NCKAP5: variants seen among roughly 807,000 people sequenced by gnomAD.
The protein encoded by NCKAP5 is NCK associated protein 5, also known as nck-associated protein 5.
In NCKAP5, 92 loss-of-function variants were observed where a neutral mutation model predicts 167.0. The observed-to-expected ratio is 0.55, with a 90% confidence interval of 0.47 to 0.66. The LOEUF (loss-of-function observed/expected upper bound fraction) is 0.66, where lower values mean the gene tolerates loss of function less well. Ranked by LOEUF, NCKAP5 falls within the 30% of genes least tolerant of loss-of-function variation. The probability of loss-of-function intolerance (pLI) is 0.00; values close to 1 mark genes in which losing one functional copy is unlikely to be tolerated. For missense variants in NCKAP5, 2,378 were observed against 2,315.0 expected (o/e 1.03, Z -0.56); for synonymous variants, 891 against 877.4 (o/e 1.02, Z -0.27).
intron 16 of NCKAP5, among the ~76,000 whole-genome samples, chr2:132,735,795 G>A (rs1691452529): frequency 6.6e-6 from 1 of 152,222 alleles, no homozygotes; most frequent in South Asian, 2.1e-4. Flanking sequence ...GCTCATACAC[G>A]TTTGTCTAAC....
At chr2:133,416,176 G>A (rs1157577354) in intron 3 of NCKAP5, among the ~76,000 whole-genome samples, 2 of 152,130 alleles carry the variant, frequency 1.3e-5, no homozygotes, top group Admixed American at 6.5e-5. Flanking sequence ...TATGCCAGGC[G>A]CTCTGTGGAG....
the NCKAP5 span, among the ~76,000 whole-genome samples, chr2:133,575,656 G>A: frequency 3.3e-5 from 5 of 152,190 alleles, no homozygotes; most frequent in African/African-American, 1.2e-4. Context: ...GAAGTCTTAG[G>A]TTCCATTCGG....
chr2:133,315,411 A>C (rs2150637388), intron 3 of NCKAP5, among the ~76,000 whole-genome samples: 1 of 152,252 alleles, frequency 6.6e-6, no homozygotes, highest in East Asian at 1.9e-4. Flanking sequence ...TTTTGGGGTA[A>C]ATTTGTGCAA....
At chr2:132,805,843 G>A (rs938315942) in intron 11 of NCKAP5, among the ~76,000 whole-genome samples, 5 of 151,784 alleles carry the variant, frequency 3.3e-5, no homozygotes, top group African/African-American at 9.7e-5. Context: ...ACATTCTTTA[G>A]TGGTGATTTC....
intron 16 of NCKAP5, among the ~76,000 whole-genome samples, chr2:132,768,800 C>T (rs1243585933): frequency 4.0e-5 from 6 of 150,974 alleles, no homozygotes; most frequent in East Asian, 3.9e-4. Flanking sequence ...CCACCACGCC[C>T]GGCTAATTTT....
At chr2:132,874,219 C>T (rs558948086) in intron 9 of NCKAP5, among the ~76,000 whole-genome samples, 3 of 151,164 alleles carry the variant, frequency 2.0e-5, no homozygotes, top group African/African-American at 7.3e-5. Context: ...AGTGATTCTC[C>T]TGCTTCAGCC....
At chr2:133,536,853 T>C (rs1685803939) in intron 2 of NCKAP5, among the ~76,000 whole-genome samples, 1 of 151,976 alleles carries the variant, frequency 6.6e-6, no homozygotes, top group African/African-American at 2.4e-5. Flanking sequence ...TTGCTTATGG[T>C]TTTGATGTCA....
At chr2:133,590,200 A>G in the NCKAP5 span, among the ~76,000 whole-genome samples, 1 of 152,142 alleles carries the variant, frequency 6.6e-6, no homozygotes, top group African/African-American at 2.4e-5. Context: ...ACATTCACTT[A>G]AAAGTGGTGG....
At chr2:132,964,632 A>G (rs1282046603) in intron 7 of NCKAP5, among the ~76,000 whole-genome samples, 1 of 152,184 alleles carries the variant, frequency 6.6e-6, no homozygotes, top group African/African-American at 2.4e-5. Flanking sequence ...CATTTTGTGC[A>G]TGGAGACTCT....
intron 1 of NCKAP5, among the ~76,000 whole-genome samples, chr2:133,563,564 T>TAAA (rs57901498): frequency 0.012 from 621 of 53,010 alleles, 75 homozygotes; most frequent in Middle Eastern, 0.037. Flanking sequence ...AAAGACTCCA[T>TAAA]AAAAAAAAAA....
intron 8 of NCKAP5, among the ~76,000 whole-genome samples, chr2:132,920,678 TAA>T (rs1180773608): frequency 1.5e-4 from 17 of 115,460 alleles, no homozygotes; most frequent in East Asian, 3.0e-4. Flanking sequence ...TATATATATA[TAA>T]GTTAGTTTAT....
intron 3 of NCKAP5, among the ~76,000 whole-genome samples, chr2:133,306,947 T>G (rs1680821398): frequency 1.3e-5 from 2 of 152,324 alleles, no homozygotes; most frequent in South Asian, 4.1e-4. Flanking sequence ...TCCTGTCATC[T>G]AGGGAGAAAA....
chr2:133,472,266 TATA>T (rs1575019575), intron 3 of NCKAP5, among the ~76,000 whole-genome samples: 1 of 152,256 alleles, frequency 6.6e-6, no homozygotes, highest in East Asian at 1.9e-4. Context: ...ATACAAGGTT[TATA>T]ACTATCATTT....
At position 133,520,041 on chromosome 2, in the gene NCKAP5, AT is replaced by A. The variant is rs1218221954; in HGVS notation, c.-61-2455del. The stretch of plus-strand genomic sequence containing the variant: ...TCTCTACTAAAAATAAAAAAAAAAA[AT>A]TAGCTGGGCATGGTGGTGAGCACCT... On this transcript the variant is annotated intron_variant, in intron 2 of 19. Transcript: ENST00000409261. Among the ~76,000 whole-genome samples the A allele has an allele frequency of 7.7e-4, 117 of 151,834 alleles. 1 individual carries two copies. Among genetic ancestry groups the A allele is most frequent in the African/African-American group, 2.6e-3 (106 of 41,310 alleles).
chr2:133,552,390 A>G (rs1313886434), intron 2 of NCKAP5, among the ~76,000 whole-genome samples: 2 of 136,802 alleles, frequency 1.5e-5, no homozygotes, highest in Admixed American at 7.6e-5. Flanking sequence ...TGTGGCACAT[A>G]TACACCATGG....
chr2:132,699,673 G>A (rs1241123253), intron 19 of NCKAP5, among the ~76,000 whole-genome samples: 5 of 152,142 alleles, frequency 3.3e-5, no homozygotes. Flanking sequence ...CCTTGTTTAT[G>A]GCTGCATAGT....
intron 3 of NCKAP5, among the ~76,000 whole-genome samples, chr2:133,473,613 T>C (rs955341340): frequency 3.9e-5 from 6 of 152,246 alleles, no homozygotes; most frequent in East Asian, 1.9e-4. Context: ...TCTAATCATA[T>C]ACATTTTGAA....
At chr2:132,843,437 T>C (rs534869483) in intron 11 of NCKAP5, among the ~76,000 whole-genome samples, 1 of 152,242 alleles carries the variant, frequency 6.6e-6, no homozygotes, top group South Asian at 2.1e-4. Flanking sequence ...TTTTTTTTAT[T>C]ACCCAATGTC....
intron 3 of NCKAP5, among the ~76,000 whole-genome samples, chr2:133,396,212 ATAAAG>A (rs551459116): frequency 5.3e-5 from 8 of 152,258 alleles, no homozygotes; most frequent in African/African-American, 1.9e-4. Context: ...ATTGGGAAGC[ATAAAG>A]TAAATTTGAA....
Sources: gnomAD v4.1 joint callset for allele counts (sites outside exome capture counted in the v4.1 genomes callset) on GRCh38, gnomAD v4.1.1 for gene constraint, MANE v1.5 for transcripts, NCBI Gene and HGNC (gene_info 2026-07-23, HGNC 2026-07-21) for gene names.